Variants in LIMD1 observed in about 807,000 individuals in gnomAD.
LIMD1 encodes the protein LIM domain-containing protein 1.
LIMD1 carries 23 observed loss-of-function variants against 58.4 expected under a neutral mutation model. The ratio of observed to expected loss-of-function variants is 0.39; its 90% CI spans 0.28 to 0.56. The LOEUF (loss-of-function observed/expected upper bound fraction) is 0.56, where lower values mean the gene tolerates loss of function less well. Ranked by LOEUF, LIMD1 falls within the 20% of genes least tolerant of loss-of-function variation. LIMD1 has a pLI of 0.57. For missense variants in LIMD1, 838 were observed against 855.5 expected (o/e 0.98, Z 0.25); for synonymous variants, 334 against 345.5 (o/e 0.97, Z 0.37).
intron 1 of LIMD1, among the ~76,000 whole-genome samples, chr3:45,597,390 A>C (rs1203847934): frequency 1.3e-5 from 2 of 152,198 alleles, no homozygotes; most frequent in African/African-American, 2.4e-5. Context: ...GTTGCACCAC[A>C]GCCGTGGCAC....
In LIMD1 at chr3:45,685,443, C is replaced by T. The variant is rs1372132339; in HGVS notation, c.*8384C>T. The T allele has an allele frequency of 6.6e-6, 1 of 152,166 alleles. No homozygotes were observed. The allele number at this position is 152,166 out of a possible 1,614,324, so 9.4% of individuals were successfully genotyped here. On this transcript the variant is annotated 3_prime_UTR_variant, in exon 8 of 8. Coordinates refer to ENST00000273317, the MANE Select transcript of LIMD1 (RefSeq NM_014240.3). ...CTCATATGGAAGCATTTCTTTTCCCCCTAAAGCCTATGAGACAGGCTGCAA... is the reference window on the plus strand; with the variant it reads ...CTCATATGGAAGCATTTCTTTTCCCTCTAAAGCCTATGAGACAGGCTGCAA...
intron 1 of LIMD1, among the ~76,000 whole-genome samples, chr3:45,624,655 G>A (rs1039971311): frequency 2.0e-5 from 3 of 152,140 alleles, no homozygotes; most frequent in Non-Finnish European, 4.4e-5. Flanking sequence ...CCCAGGAGGC[G>A]GAGCTTGCAG....
chr3:45,628,030 T>C (rs1346678456), intron 1 of LIMD1, among the ~76,000 whole-genome samples: 1 of 97,818 alleles, frequency 1.0e-5, no homozygotes, highest in Non-Finnish European at 2.0e-5. Flanking sequence ...GAAAAAAGAA[T>C]ATATGAACCA....
chr3:45,642,189 T>C (rs9846194), intron 2 of LIMD1, among the ~76,000 whole-genome samples: 13,134 of 151,544 alleles, frequency 0.087, 646 homozygotes, highest in East Asian at 0.15. Context: ...TTTTTTTTTC[T>C]TTTTGAGACT....
intron 4 of LIMD1, among the ~76,000 whole-genome samples, chr3:45,671,577 A>G (rs957106213): frequency 5.3e-5 from 8 of 152,328 alleles, no homozygotes; most frequent in African/African-American, 1.7e-4. Context: ...CTATTAAGTC[A>G]GTGAAGATGC....
Position 45,677,080 on chromosome 3 carries a change from C to T in LIMD1, c.*21C>T, listed in dbSNP as rs1020387530. ...TCTAGCCAGAGCCACTTGCAGACAT[C>T]ACGGCAGGGGATGAGGAGCCGGGGT... On this transcript the variant is annotated 3_prime_UTR_variant, in exon 8 of 8. Transcript: ENST00000273317. The T allele has an allele frequency of 1.9e-6, 3 of 1,608,944 alleles. No homozygotes were observed. The highest frequency in any genetic ancestry group is 3.3e-5 in the Admixed American group (2 of 59,968).
chr3:45,624,564 T>G lies in LIMD1; in HGVS notation c.1409-11586T>G, dbSNP rs117158141. On this transcript the variant is annotated intron_variant, in intron 1 of 7. Coordinates refer to ENST00000273317, the MANE Select transcript of LIMD1 (RefSeq NM_014240.3). ...TACTGAAAATACAAAAAAATAAAAA[T>G]AAAAAGAAATTAGCCGGGTGTGGTG... 7.5e-3 allele frequency among the ~76,000 whole-genome samples: 1,141 copies of G among 151,768 alleles called. 46 individuals are homozygous for G. In the East Asian group the frequency reaches 0.1, roughly 13 times the overall value.
At position 45,677,075 on chromosome 3, in the gene LIMD1, G is replaced by A; in HGVS notation, c.*16G>A. On this transcript the variant is annotated 3_prime_UTR_variant, in exon 8 of 8. Coordinates refer to ENST00000273317, the MANE Select transcript of LIMD1 (RefSeq NM_014240.3). Reference sequence around the variant, plus strand: ...CCACTTCTAGCCAGAGCCACTTGCAGACATCACGGCAGGGGATGAGGAGCC... The same window carrying A: ...CCACTTCTAGCCAGAGCCACTTGCAAACATCACGGCAGGGGATGAGGAGCC... The A allele has an allele frequency of 6.2e-7, 1 of 1,611,104 alleles. No homozygotes were observed. The highest frequency in any genetic ancestry group is 8.5e-7 in the Non-Finnish European group (1 of 1,178,826).
chr3:45,637,437 C>A (rs113534514), intron 2 of LIMD1, among the ~76,000 whole-genome samples: 4,460 of 152,170 alleles, frequency 0.029, 211 homozygotes, highest in African/African-American at 0.099. Context: ...TGCACCAGCA[C>A]GCCCAGCTAA....
At chr3:45,646,449 T>C (rs1701908992) in intron 2 of LIMD1, among the ~76,000 whole-genome samples, 1 of 152,202 alleles carries the variant, frequency 6.6e-6, no homozygotes, top group African/African-American at 2.4e-5. Context: ...ACCAGCCCAC[T>C]TGACCTTCAT....
rs1701319951 is a variant in LIMD1 at position 45,594,807 on chromosome 3, A to ACACACACAC, written c.-72_-64dup. The ACACACACAC allele has an allele frequency of 4.8e-6, 3 of 623,058 alleles. No individual in the cohort carries two copies. The highest frequency in any genetic ancestry group is 3.8e-5 in the African/African-American group (2 of 52,090). 38.6% of individuals were successfully genotyped at this position (623,058 alleles called of 1,614,324 possible). ...CACACACACACACACACACACACAC[A>ACACACACAC]CACACACACACACACACACACACAC... On this transcript the variant is annotated 5_prime_UTR_variant, in exon 1 of 8. Transcript: ENST00000273317.
At chr3:45,626,072 C>T (rs1701666271) in intron 1 of LIMD1, among the ~76,000 whole-genome samples, 1 of 152,216 alleles carries the variant, frequency 6.6e-6, no homozygotes, top group African/African-American at 2.4e-5. Context: ...TCATTGCCTC[C>T]TGCTGCACAT....
intron 1 of LIMD1, chr3:45,632,434 A>C: frequency 1.4e-6 from 1 of 735,442 alleles, no homozygotes. Flanking sequence ...TGCTGAGGGG[A>C]TACTAAGTGC....
intron 1 of LIMD1, among the ~76,000 whole-genome samples, chr3:45,630,370 C>G (rs1257321477): frequency 6.6e-6 from 1 of 152,190 alleles, no homozygotes; most frequent in Non-Finnish European, 1.5e-5. Context: ...AGTGCAGTCA[C>G]CCTGCTCCCT....
chr3:45,652,428 T>G (rs913854150), intron 2 of LIMD1, among the ~76,000 whole-genome samples: 6 of 152,240 alleles, frequency 3.9e-5, no homozygotes, highest in African/African-American at 1.4e-4. Flanking sequence ...TTCTCTTCCC[T>G]GTGGGTTGTG....
At chr3:45,632,181 C>T (rs1701739769) in intron 1 of LIMD1, among the ~76,000 whole-genome samples, 1 of 152,240 alleles carries the variant, frequency 6.6e-6, no homozygotes, top group South Asian at 2.1e-4. Context: ...TGATGCCTGA[C>T]AAACTAGCTT....
intron 1 of LIMD1, among the ~76,000 whole-genome samples, chr3:45,619,640 A>C (rs1701611586): frequency 6.6e-6 from 1 of 152,006 alleles, no homozygotes; most frequent in South Asian, 2.1e-4. Context: ...CTCTACTAAA[A>C]ATATAAAAAT....
chr3:45,613,948 C>T lies in LIMD1; in HGVS notation c.1408+17661C>T, dbSNP rs532440779. Among the ~76,000 whole-genome samples, 21 of 152,318 alleles carry T rather than the reference C, an allele frequency of 1.4e-4. 1 individual carries two copies. The highest frequency in any genetic ancestry group is 4.1e-4 in the African/African-American group (17 of 41,566). On this transcript the variant is annotated intron_variant, in intron 1 of 7. Coordinates refer to ENST00000273317, the MANE Select transcript of LIMD1 (RefSeq NM_014240.3). ...GTGGCCGTGCCACTTAGCATTCCCA[C>T]AGCAGTGTGAAAGTTCCTCTGATTC...
rs1697715826 is a variant in LIMD1 at position 45,679,730 on chromosome 3, C to T, written c.*2671C>T. 1 of 152,314 alleles carries T rather than the reference C, an allele frequency of 6.6e-6. No homozygotes were observed. The highest frequency in any genetic ancestry group is 2.4e-5 in the African/African-American group (1 of 41,540). The allele number at this position is 152,314 out of a possible 1,614,324, so 9.4% of individuals were successfully genotyped here. On this transcript the variant is annotated 3_prime_UTR_variant, in exon 8 of 8. Coordinates refer to ENST00000273317, the MANE Select transcript of LIMD1 (RefSeq NM_014240.3). ...GTCTTTTTTTTCTTTTCTCCTACCC[C>T]TATCTTGGGACATTCAGAAACTGCC...
Sources: gnomAD v4.1 joint callset for allele counts (sites outside exome capture counted in the v4.1 genomes callset) on GRCh38, gnomAD v4.1.1 for gene constraint, MANE v1.5 for transcripts, NCBI Gene and HGNC (gene_info 2026-07-23, HGNC 2026-07-21) for gene names.